The following SLC2A2 variants were observed in gnomAD, a reference collection of about 807,000 sequenced individuals.
SLC2A2 encodes solute carrier family 2, facilitated glucose transporter member 2.
SLC2A2 carries 36 observed loss-of-function variants against 54.5 expected under a neutral mutation model. That is an observed-to-expected ratio of 0.66 (90% confidence interval 0.51 to 0.87). The LOEUF (loss-of-function observed/expected upper bound fraction) is 0.87. Among genes scored for constraint, SLC2A2 ranks in the 40% least tolerant of loss-of-function variants. The pLI, the probability that SLC2A2 is intolerant of heterozygous loss-of-function variation, is 0.00. For synonymous variants in SLC2A2, 223 were observed against 219.1 expected, an observed-to-expected ratio of 1.02 and a Z score of -0.16; for missense variants, 543 against 624.3, an observed-to-expected ratio of 0.87 and a Z score of 1.39.
At chr3:171,006,493 C>T (rs908374324) in intron 5 of SLC2A2, among the ~76,000 whole-genome samples, 4 of 152,048 alleles carry the variant, frequency 2.6e-5, no homozygotes, top group Non-Finnish European at 5.9e-5. Flanking sequence ...GTGTTAAAAT[C>T]ATCCATGACT....
At chr3:171,021,873 G>A (rs1240093889) in intron 1 of SLC2A2, among the ~76,000 whole-genome samples, 4 of 152,158 alleles carry the variant, frequency 2.6e-5, no homozygotes, top group African/African-American at 7.2e-5. Flanking sequence ...AGCCAGTAAT[G>A]GGCAGGTCAG....
rs758607933 is a variant in SLC2A2 at position 170,997,908 on chromosome 3, C to T, written c.1570G>A (p.Val524Met). Reference protein sequence around the residue: ...EMKFLGATETV With the variant: ...EMKFLGATETM ...CAAAAAGCAGGGTTTTTTTTTTACACAGTCTCTGTAGCTCCTAGGAATTTC... is the reference window on the plus strand; with the variant it reads ...CAAAAAGCAGGGTTTTTTTTTTACATAGTCTCTGTAGCTCCTAGGAATTTC... Residue 524 changes from valine to methionine, a missense_variant, in exon 11 of 11, where the codon GTG becomes ATG. Transcript: ENST00000314251. The T allele has an allele frequency of 1.2e-5, 19 of 1,610,030 alleles. No individual in the cohort carries two copies. In the Admixed American group the frequency reaches 2.0e-4, roughly 17 times the overall value.
chr3:171,019,489 A>G (rs912077838), intron 1 of SLC2A2, among the ~76,000 whole-genome samples: 1 of 152,138 alleles, frequency 6.6e-6, no homozygotes, highest in Non-Finnish European at 1.5e-5. Flanking sequence ...GAAAAGGGGC[A>G]GAACATTCAT....
Position 171,005,976 on chromosome 3 carries a change from T to G in SLC2A2, c.742A>C (p.Ile248Leu). The G allele has an allele frequency of 6.2e-7, 1 of 1,612,560 alleles. No individual in the cohort carries two copies. Among genetic ancestry groups the G allele is most frequent in the Non-Finnish European group, 8.5e-7 (1 of 1,179,010 alleles). Residue 248 changes from isoleucine (I) to leucine (L), a missense_variant, in exon 6 of 11, where the codon ATC becomes CTC. Physicochemically the swap from Ile to Leu is conservative, Grantham distance 5. Coordinates refer to ENST00000314251, the MANE Select transcript of SLC2A2 (RefSeq NM_000340.2). ...GCTTTGACTTCCTCATCTAACTTGA[T>G]GTAAAGGTATCTGGGGCTTTCTGGA... ...FCPESPRYLYIKLDEEVKAKQ... is the reference protein window; with the variant it reads ...FCPESPRYLYLKLDEEVKAKQ...
chr3:171,007,050 A>G, intron 5 of SLC2A2, 98 bp downstream of exon 5: 2 of 761,178 alleles, frequency 2.6e-6, no homozygotes, highest in Admixed American at 3.9e-5. Context: ...GAGATGGATG[A>G]AGTGGAGGAA....
intron 7 of SLC2A2, among the ~76,000 whole-genome samples, chr3:171,004,019 G>C (rs1337135090): frequency 6.6e-6 from 1 of 151,880 alleles, no homozygotes; most frequent in East Asian, 1.9e-4. Context: ...ATGTCTTTTA[G>C]GTCATTCTGC....
Position 170,997,423 on chromosome 3 carries a change from G to A in SLC2A2, c.*480C>T, listed in dbSNP as rs1715131637. Reference sequence around the variant, plus strand: ...TTCTAGTACTCAAGAAAAAAGCTGAGTGCAATAAATGGAAGAGTTGTCTAT... The same window carrying A: ...TTCTAGTACTCAAGAAAAAAGCTGAATGCAATAAATGGAAGAGTTGTCTAT... On this transcript the variant is annotated 3_prime_UTR_variant, in exon 11 of 11. Transcript: ENST00000314251. 6.3e-6 allele frequency: 1 copy of A among 158,538 alleles called. No homozygotes were observed. Among genetic ancestry groups the A allele is most frequent in the Non-Finnish European group, 1.4e-5 (1 of 72,638 alleles). 9.8% of individuals were successfully genotyped at this position (158,538 alleles called of 1,614,324 possible).
chr3:171,018,525 A>G lies in SLC2A2; in HGVS notation c.108+6T>C. ...CAAAAAGAGAACTTCTACATATTTC[A>G]CTTGCCTGTTGAGGTGCATTGATCA... On this transcript the variant is annotated splice_donor_region_variant and intron_variant, in intron 2 of 10. Coordinates refer to ENST00000314251, the MANE Select transcript of SLC2A2 (RefSeq NM_000340.2). 6.3e-7 allele frequency: 1 copy of G among 1,589,684 alleles called. No homozygotes were observed. The highest frequency in any genetic ancestry group is 8.6e-7 in the Non-Finnish European group (1 of 1,157,652).
chr3:171,009,990 A>G lies in SLC2A2; in HGVS notation c.464T>C (p.Ile155Thr). Reference protein sequence around the residue: ...SKLGPSHILIIAGRSISGLYC... With the variant: ...SKLGPSHILITAGRSISGLYC... ...TAGTCCTGATATGCTTCTTCCAGCA[A>G]TTATAAGTATATGAGATGGTCCCAA... The change falls in exon 4 of 11, where the codon ATT becomes ACT. Residue 155 changes from isoleucine to threonine, a missense_variant. Physicochemically the swap from Ile to Thr is moderately conservative, Grantham distance 89. This residue lies in a region of SLC2A2 where 318 missense variants were observed against 343.8 expected (regional missense o/e 0.93). Transcript: ENST00000314251. The G allele has an allele frequency of 6.2e-7, 1 of 1,611,120 alleles. No homozygotes were observed. Among genetic ancestry groups the G allele is most frequent in the Non-Finnish European group, 8.5e-7 (1 of 1,178,850 alleles).
chr3:171,008,052 G>A (rs944049909), intron 4 of SLC2A2, among the ~76,000 whole-genome samples: 3 of 152,066 alleles, frequency 2.0e-5, no homozygotes, highest in Non-Finnish European at 4.4e-5. Context: ...TTTGCTGACT[G>A]CATAAAAAGT....
chr3:171,012,657 G>T (rs1308677552), intron 3 of SLC2A2, among the ~76,000 whole-genome samples: 1 of 151,624 alleles, frequency 6.6e-6, no homozygotes, highest in Admixed American at 6.6e-5. Context: ...ATTTACTTTT[G>T]ACTGGTAGAT....
At chr3:171,019,124 CGTATGTATATATATATATATATATAT>C (rs1716325957) in intron 1 of SLC2A2, among the ~76,000 whole-genome samples, 1 of 5,612 alleles carries the variant, frequency 1.8e-4, no homozygotes, top group African/African-American at 7.5e-4. Context: ...TATATATATA[CGTATGTATATATATATATATATATAT>C]ATATACGTAT....
intron 1 of SLC2A2, among the ~76,000 whole-genome samples, chr3:171,024,853 C>T (rs1372427575): frequency 6.6e-6 from 1 of 152,180 alleles, no homozygotes; most frequent in Non-Finnish European, 1.5e-5. Context: ...AAACATTGCA[C>T]TACCTCAGTT....
At chr3:171,007,796 G>A (rs1220084783) in intron 4 of SLC2A2, among the ~76,000 whole-genome samples, 22 of 152,032 alleles carry the variant, frequency 1.4e-4, no homozygotes, top group Admixed American at 9.8e-4. Flanking sequence ...GACGAGGGGC[G>A]AGGGGAGGTG....
intron 5 of SLC2A2, 69 bp from the exon 6 acceptor site, chr3:171,006,174 GA>G (rs2108244682): frequency 6.9e-7 from 1 of 1,451,358 alleles, no homozygotes; most frequent in East Asian, 2.4e-5. Flanking sequence ...CTAGTTTGTT[GA>G]AAAAGTACTT....
At chr3:171,003,556 T>C (rs577190268) in intron 7 of SLC2A2, among the ~76,000 whole-genome samples, 4 of 152,002 alleles carry the variant, frequency 2.6e-5, no homozygotes, top group East Asian at 1.9e-4. Context: ...CCATTGACTA[T>C]TGACGTTTTT....
intron 7 of SLC2A2, among the ~76,000 whole-genome samples, chr3:171,003,344 C>T (rs1408757442): frequency 6.7e-6 from 1 of 149,754 alleles, no homozygotes; most frequent in East Asian, 2.0e-4. Flanking sequence ...ATTTAGGTAG[C>T]TGCCATTCCT....
At chr3:171,007,789 G>A (rs1359314916) in intron 4 of SLC2A2, among the ~76,000 whole-genome samples, 4 of 151,984 alleles carry the variant, frequency 2.6e-5, no homozygotes, top group African/African-American at 7.2e-5. Flanking sequence ...AGGTGGTGAC[G>A]AGGGGCGAGG....
At position 171,018,530 on chromosome 3, in the gene SLC2A2, C is replaced by T; in HGVS notation, c.108+1G>A. On this transcript the variant is annotated splice_donor_variant, in intron 2 of 10. Transcript: ENST00000314251. LOFTEE classifies it high-confidence loss of function. ...AGAGAACTTCTACATATTTCACTTG[C>T]CTGTTGAGGTGCATTGATCACACCA... The T allele has an allele frequency of 6.3e-7, 1 of 1,598,834 alleles. No homozygotes were observed. The highest frequency in any genetic ancestry group is 1.1e-5 in the South Asian group (1 of 90,770).
Sources: allele counts gnomAD v4.1 joint callset (sites outside exome capture counted in the v4.1 genomes callset), GRCh38; gene constraint gnomAD v4.1.1; regional missense constraint gnomAD v4.1.1; transcripts MANE v1.5; gene names NCBI Gene and HGNC (gene_info 2026-07-23, HGNC 2026-07-21).